The following MAST4 variants were observed in gnomAD, a reference collection of about 807,000 sequenced individuals.
MAST4 encodes the protein microtubule-associated serine/threonine-protein kinase 4.
In MAST4, 89 loss-of-function variants were observed where a neutral mutation model predicts 162.7. The observed-to-expected ratio is 0.55, with a 90% CI of 0.46 to 0.65. The LOEUF is 0.65. MAST4 is among the 30% of genes least tolerant of loss of function. The pLI is 0.00. For missense variants in MAST4, 3,153 were observed against 3,374.0 expected (o/e 0.93, Z 1.62); for synonymous variants, 1,479 against 1,361.1 (o/e 1.09, Z -1.91).
chr5:66,812,446 G>A (rs1756523331), intron 3 of MAST4, among the ~76,000 whole-genome samples: 1 of 152,164 alleles, frequency 6.6e-6, no homozygotes, highest in South Asian at 2.1e-4. Flanking sequence ...GAGAGCCCCT[G>A]CCTATGTTCA....
intron 4 of MAST4, among the ~76,000 whole-genome samples, chr5:66,934,488 A>G (rs1742501538): frequency 6.6e-6 from 1 of 152,158 alleles, no homozygotes; most frequent in Non-Finnish European, 1.5e-5. Flanking sequence ...AAGTTAAAGG[A>G]TAGTAATCAT....
intron 7 of MAST4, among the ~76,000 whole-genome samples, chr5:67,097,106 G>A (rs1764549436): frequency 6.6e-6 from 1 of 151,994 alleles, no homozygotes; most frequent in Non-Finnish European, 1.5e-5. Flanking sequence ...CTTGGACATA[G>A]AAGTCTCTCT....
At chr5:66,647,199 T>C (rs1293229989) in intron 1 of MAST4, among the ~76,000 whole-genome samples, 1 of 152,156 alleles carries the variant, frequency 6.6e-6, no homozygotes, top group East Asian at 1.9e-4. Context: ...TTTCTAAAGT[T>C]TGGCTCCAGG....
At chr5:66,976,986 T>A (rs1465547550) in intron 4 of MAST4, among the ~76,000 whole-genome samples, 1 of 152,072 alleles carries the variant, frequency 6.6e-6, no homozygotes, top group African/African-American at 2.4e-5. Flanking sequence ...ATGTAGAGAG[T>A]GGCAGGCCAA....
In MAST4 at chr5:67,131,833, A is replaced by G. The variant is rs56013433; in HGVS notation, c.1975A>G (p.Met659Val). The part of the protein sequence containing the change: ...YVEGGDCATL[M>V]KNMGPLPVDM... ...TACAGGGGGAGACTGTGCTACTTTA[A>G]TGAAAAACATGGGTCCTCTCCCTGT... The change falls in exon 16 of 29, where the codon ATG becomes GTG. Residue 659 changes from methionine to valine, a missense_variant. Met to Val is a conservative substitution (Grantham distance 21). Transcript: ENST00000403625. The G allele has an allele frequency of 3.5e-5, 56 of 1,613,004 alleles. No individual in the cohort carries two copies. Among genetic ancestry groups the G allele is most frequent in the Non-Finnish European group, 4.2e-5 (49 of 1,179,276 alleles).
intron 4 of MAST4, among the ~76,000 whole-genome samples, chr5:66,938,241 TTAAGA>T (rs1742977138): frequency 6.6e-6 from 1 of 152,198 alleles, no homozygotes; most frequent in Admixed American, 6.5e-5. Context: ...TACTGCCTTA[TTAAGA>T]TAAATCTAGA....
intron 1 of MAST4, among the ~76,000 whole-genome samples, chr5:66,744,426 TAA>T (rs1752638598): frequency 6.6e-6 from 1 of 152,232 alleles, no homozygotes; most frequent in African/African-American, 2.4e-5. Flanking sequence ...TTTGTCCAGT[TAA>T]AGAGCTTAAA....
intron 1 of MAST4, among the ~76,000 whole-genome samples, chr5:66,680,630 C>T (rs1258304573): frequency 6.6e-6 from 1 of 152,136 alleles, no homozygotes; most frequent in East Asian, 1.9e-4. Flanking sequence ...TCACAGAGAA[C>T]AGTGAACAGG....
intron 4 of MAST4, chr5:66,931,082 T>C (rs987202402): frequency 5.0e-6 from 1 of 198,458 alleles, no homozygotes; most frequent in Non-Finnish European, 1.0e-5. Context: ...GAACTTACTT[T>C]ATCTGTAACA....
chr5:66,830,594 C>T (rs72761259), intron 3 of MAST4, among the ~76,000 whole-genome samples: 1 of 152,104 alleles, frequency 6.6e-6, no homozygotes, highest in Non-Finnish European at 1.5e-5. Flanking sequence ...TGAAAAATAA[C>T]AACATAAAAG....
At chr5:66,820,547 A>G (rs1561353981) in intron 3 of MAST4, among the ~76,000 whole-genome samples, 1 of 152,210 alleles carries the variant, frequency 6.6e-6, no homozygotes, top group Non-Finnish European at 1.5e-5. Flanking sequence ...AAAAATATAT[A>G]TTGGAGCTAT....
intron 1 of MAST4, among the ~76,000 whole-genome samples, chr5:66,608,462 C>T (rs144647309): frequency 1.6e-4 from 23 of 142,258 alleles, no homozygotes; most frequent in African/African-American, 4.8e-4. Flanking sequence ...ATGAATTCTA[C>T]CTTTCAGATA....
At chr5:66,808,817 A>C (rs921814237) in intron 3 of MAST4, among the ~76,000 whole-genome samples, 4 of 152,184 alleles carry the variant, frequency 2.6e-5, no homozygotes, top group Non-Finnish European at 5.9e-5. Flanking sequence ...ATTTAAACAA[A>C]ATCTGGAGCA....
chr5:66,789,849 CTCTTT>C (rs1755305198), intron 3 of MAST4: 1 of 476,094 alleles, frequency 2.1e-6, no homozygotes, highest in East Asian at 5.9e-5. Flanking sequence ...GCCTGGATCA[CTCTTT>C]TCTATGTTTG....
At chr5:66,674,772 A>T (rs72761215) in intron 1 of MAST4, among the ~76,000 whole-genome samples, 4,129 of 152,178 alleles carry the variant, frequency 0.027, 72 homozygotes, top group Non-Finnish European at 0.043. Flanking sequence ...GTTGCTATGG[A>T]CCCTGGGCAG....
intron 3 of MAST4, chr5:66,789,699 CCAGT>C (rs762306856): frequency 7.7e-6 from 4 of 518,362 alleles, no homozygotes; most frequent in African/African-American, 1.9e-5. Context: ...TTGTGATCAT[CCAGT>C]CAAAGTGTTG....
intron 1 of MAST4, among the ~76,000 whole-genome samples, chr5:66,630,477 T>G (rs1744722496): frequency 6.6e-6 from 1 of 152,188 alleles, no homozygotes; most frequent in Admixed American, 6.5e-5. Context: ...TGTTCTATCT[T>G]GAAAAGGAGA....
At chr5:66,826,230 C>T (rs187344857) in intron 3 of MAST4, among the ~76,000 whole-genome samples, 147 of 151,842 alleles carry the variant, frequency 9.7e-4, no homozygotes, top group African/African-American at 3.5e-3. Context: ...GACAGGTAAT[C>T]GATATTTTTT....
chr5:67,039,627 T>C (rs761612391), intron 4 of MAST4, among the ~76,000 whole-genome samples: 7 of 152,188 alleles, frequency 4.6e-5, no homozygotes, highest in Non-Finnish European at 7.3e-5. Context: ...TTCGTACCTA[T>C]AAGAGGCAGG....
Sources: allele counts gnomAD v4.1 joint callset (sites outside exome capture counted in the v4.1 genomes callset), GRCh38; gene constraint gnomAD v4.1.1; transcripts MANE v1.5; gene names NCBI Gene and HGNC (gene_info 2026-07-23, HGNC 2026-07-21).